MYOM3: variants seen among roughly 807,000 people sequenced by gnomAD.
MYOM3 encodes the protein myomesin 3.
MYOM3 carries 155 observed loss-of-function variants against 191.7 expected under a neutral mutation model. That is an observed-to-expected ratio of 0.81 (90% CI 0.71 to 0.92). The LOEUF (loss-of-function observed/expected upper bound fraction) is 0.92, where lower values mean the gene tolerates loss of function less well. Among genes scored for constraint, MYOM3 ranks in the 40% least tolerant of loss-of-function variants. The probability of loss-of-function intolerance (pLI) is 0.00; values close to 1 mark genes in which losing one functional copy is unlikely to be tolerated. For missense variants in MYOM3, 1,889 were observed against 1,890.6 expected, an observed-to-expected ratio of 1.00 and a Z score of 0.02; for synonymous variants, 757 against 762.9, an observed-to-expected ratio of 0.99 and a Z score of 0.13.
intron 18 of MYOM3, 191 bp downstream of exon 18, chr1:24,081,810 T>A (rs1325084020): frequency 3.2e-6 from 2 of 624,312 alleles, no homozygotes; most frequent in African/African-American, 3.7e-5. Context: ...GCTCAAGCAA[T>A]CCCAGCTCAA....
intron 16 of MYOM3, chr1:24,083,428 A>G (rs1433479450): frequency 6.5e-6 from 1 of 152,700 alleles, no homozygotes; most frequent in Non-Finnish European, 1.5e-5. Flanking sequence ...TGAAGGCTGC[A>G]CTGTTGGCTT....
chr1:24,058,957 A>C lies in MYOM3; in HGVS notation c.4017T>G (p.Gly1339=), dbSNP rs1643335407. 1.9e-6 allele frequency: 3 copies of C among 1,611,996 alleles called. No homozygotes were observed. Among genetic ancestry groups the C allele is most frequent in the Non-Finnish European group, 2.5e-6 (3 of 1,179,334 alleles). The change falls in exon 36 of 37, where the codon GGT becomes GGG. Residue 1339 remains glycine (G), a synonymous_variant. Transcript: ENST00000374434. The part of the protein sequence containing the change: ...IEKNRAKVVR[G]LPDVATIMED... The stretch of plus-strand genomic sequence containing the variant: ...CCATGATAGTGGCCACATCCGGCAG[A>C]CCTCTCACCACTTTGGCACGATCTG...
In MYOM3 at chr1:24,082,447, G is replaced by A. The variant is rs1015587249; in HGVS notation, c.2092+146C>T. 40 of 1,180,480 alleles carry A rather than the reference G, an allele frequency of 3.4e-5. No individual in the cohort carries two copies. The East Asian group carries it at 3.8e-4, about 11-fold the overall frequency. The allele number at this position is 1,180,480 out of a possible 1,614,324, so 73.1% of individuals were successfully genotyped here. A position where few individuals can be genotyped will look rare whatever the true frequency, so the allele number is the denominator to read the frequency against. On this transcript the variant is annotated intron_variant, in intron 17 of 36. Transcript: ENST00000374434. ...ATGGTTACTTCCTTCCCAAAGGAAA[G>A]GGCAGCCAGGGCCAGCTCCAGTTTC...
chr1:24,075,842 G>A (rs1260030082), intron 21 of MYOM3, among the ~76,000 whole-genome samples: 2 of 152,060 alleles, frequency 1.3e-5, no homozygotes, highest in South Asian at 2.1e-4. Context: ...TCCTGTATTC[G>A]CAGTGCAATG....
chr1:24,069,916 C>T (rs180711075), intron 25 of MYOM3, among the ~76,000 whole-genome samples: 52 of 151,534 alleles, frequency 3.4e-4, no homozygotes, highest in African/African-American at 1.0e-3. Flanking sequence ...AGCCACAACA[C>T]GTATTTTCTA....
intron 6 of MYOM3, among the ~76,000 whole-genome samples, chr1:24,098,798 A>T (rs1643892145): frequency 6.6e-6 from 1 of 152,090 alleles, no homozygotes; most frequent in Non-Finnish European, 1.5e-5. Context: ...GAAGGGTAAG[A>T]TGAGTGTTCT....
chr1:24,074,229 C>T lies in MYOM3; in HGVS notation c.2899G>A (p.Gly967Ser), dbSNP rs200099929. Residue 967 changes from glycine (G) to serine (S), a missense_variant, in exon 23 of 37, where the codon GGC becomes AGC. Transcript: ENST00000374434. ...ILKEPGLEDL[G>S]TYSVIVTDAD... The stretch of plus-strand genomic sequence containing the variant: ...TCAGTGACTATGACTGAGTAGGTGC[C>T]CAAATCCTCGAGGCCGGGTTCTTTC... 1.2e-5 allele frequency: 20 copies of T among 1,613,914 alleles called. No individual in the cohort carries two copies. The African/African-American group carries it at 2.5e-4, about 20-fold the overall frequency.
At chr1:24,090,214 C>T in intron 12 of MYOM3, 96 bp from the exon 13 acceptor site, 1 of 1,008,874 alleles carries the variant, frequency 9.9e-7, no homozygotes, top group Non-Finnish European at 1.6e-6. Context: ...TGCCCCGTCC[C>T]AGTCCTGGCC....
intron 5 of MYOM3, among the ~76,000 whole-genome samples, chr1:24,101,138 C>G (rs1643908809): frequency 6.6e-6 from 1 of 152,110 alleles, no homozygotes; most frequent in Admixed American, 6.5e-5. Flanking sequence ...CCTTTGCCCC[C>G]TTTCACATCA....
At chr1:24,100,422 C>A (rs1037499711) in intron 5 of MYOM3, among the ~76,000 whole-genome samples, 1 of 152,194 alleles carries the variant, frequency 6.6e-6, no homozygotes, top group African/African-American at 2.4e-5. Flanking sequence ...TGCCCCTCCC[C>A]CTACCAAGCC....
chr1:24,094,031 C>G (rs1183064241), intron 9 of MYOM3, among the ~76,000 whole-genome samples: 1 of 152,138 alleles, frequency 6.6e-6, no homozygotes, highest in Non-Finnish European at 1.5e-5. Context: ...GCCCACGGGT[C>G]AGCAACTGTA....
At position 24,108,546 on chromosome 1, in the gene MYOM3, C is replaced by T. The variant is rs1226631711; in HGVS notation, c.91G>A (p.Glu31Lys). The change falls in exon 2 of 37, where the codon GAG (glutamate) becomes AAG (lysine). Residue 31 changes from glutamate to lysine, a missense_variant. Glu to Lys is a moderately conservative substitution (Grantham distance 56, BLOSUM62 1). Coordinates refer to ENST00000374434, the MANE Select transcript of MYOM3 (RefSeq NM_152372.4). Reference sequence around the variant, plus strand: ...CTGTGCTGCCGCTCCTCCTTCTGCTCCTCCTCCTGCCGGTGCTCCAGCCTG... The same window carrying T: ...CTGTGCTGCCGCTCCTCCTTCTGCTTCTCCTCCTGCCGGTGCTCCAGCCTG... ...VHRLEHRQEE[E>K]QKEERQHSLR... The T allele has an allele frequency of 2.0e-5, 32 of 1,578,184 alleles. No individual in the cohort carries two copies. The highest frequency in any genetic ancestry group is 2.7e-5 in the Non-Finnish European group (31 of 1,162,546).
At chr1:24,083,459 G>T in intron 16 of MYOM3, 1 of 152,862 alleles carries the variant, frequency 6.5e-6, no homozygotes, top group South Asian at 1.9e-4. Context: ...GAGGTTTTGG[G>T]ACTCGGACTG....
Position 24,063,768 on chromosome 1 carries a change from C to T in MYOM3, c.3623-238G>A, listed in dbSNP as rs772383034. Among the ~76,000 whole-genome samples the T allele has an allele frequency of 1.3e-5, 2 of 152,066 alleles. No homozygotes were observed. The highest frequency in any genetic ancestry group is 2.9e-5 in the Non-Finnish European group (2 of 68,012). On this transcript the variant is annotated intron_variant, in intron 30 of 36. Coordinates refer to ENST00000374434, the MANE Select transcript of MYOM3 (RefSeq NM_152372.4). This position sits in a 1 kb window ranked among gnomAD's most constrained non-coding sequence, Gnocchi z 4.5. ...AAACATGCAAATCTGACAGTTTTTG[C>T]AGGCTGAGCTGATCAGCCTGATGAG...
chr1:24,060,147 C>T (rs1035300866), intron 35 of MYOM3, among the ~76,000 whole-genome samples: 4 of 152,198 alleles, frequency 2.6e-5, no homozygotes, highest in Non-Finnish European at 5.9e-5. Context: ...GGGACATTCT[C>T]ACTGGGTGAA....
intron 15 of MYOM3, among the ~76,000 whole-genome samples, chr1:24,085,280 AGATGGATGGATGGATGGATGGATGGATG>A (rs55900087): frequency 1.5e-5 from 2 of 137,600 alleles, no homozygotes; most frequent in Non-Finnish European, 3.2e-5. Context: ...ATGGATGGAT[AGATGGATGGATGGATGGATGGATGGATG>A]GATGGATGGA....
chr1:24,094,508 G>T (rs565591352), intron 9 of MYOM3, among the ~76,000 whole-genome samples: 2 of 152,002 alleles, frequency 1.3e-5, no homozygotes, highest in African/African-American at 2.4e-5. Context: ...CATGCAAATG[G>T]CTGAGCAGGT....
chr1:24,108,334 C>T (rs370076574), intron 2 of MYOM3, 142 bp downstream of exon 2: 5 of 966,908 alleles, frequency 5.2e-6, no homozygotes, highest in East Asian at 2.8e-5. Context: ...GTGTCTCCCC[C>T]CTCAGACAGG....
rs553265061 is a variant in MYOM3, at chr1:24,076,542, C to T, written c.2587-269G>A. On this transcript the variant is annotated intron_variant, in intron 20 of 36. Coordinates refer to ENST00000374434, the MANE Select transcript of MYOM3 (RefSeq NM_152372.4). The stretch of plus-strand genomic sequence containing the variant: ...TTTTTTTTTTTTTTTGAGACGGAGT[C>T]TCGCTCTGTCGCCCAGGCTGGAGTG... 5.6e-3 allele frequency among the ~76,000 whole-genome samples: 213 copies of T among 37,854 alleles called. 1 individual carries two copies. The highest frequency in any genetic ancestry group is 8.3e-3 in the Admixed American group (20 of 2,412). 24.8% of individuals were successfully genotyped at this position (37,854 alleles called of 152,430 possible). A position where few individuals can be genotyped will look rare whatever the true frequency, so the allele number is the denominator to read the frequency against.
Sources: allele counts gnomAD v4.1 joint callset (sites outside exome capture counted in the v4.1 genomes callset), GRCh38; gene constraint gnomAD v4.1.1; non-coding constraint Gnocchi (gnomAD v3.1); transcripts MANE v1.5; gene names NCBI Gene and HGNC (gene_info 2026-07-23, HGNC 2026-07-21).